The following TRIM61 variants were observed in gnomAD, a reference collection of about 807,000 sequenced individuals.
TRIM61 encodes the protein putative tripartite motif-containing protein 61.
A neutral mutation model predicts 14.2 loss-of-function variants in TRIM61; 1 was observed. The observed-to-expected ratio is 0.07, with a 90% CI of 0.03 to 0.33. The LOEUF (loss-of-function observed/expected upper bound fraction) is 0.33. Among genes scored for constraint, TRIM61 ranks in the 10% least tolerant of loss-of-function variants. The pLI, the probability that TRIM61 is intolerant of heterozygous loss-of-function variation, is 0.99. For synonymous variants in TRIM61, 8 were observed against 71.6 expected (o/e 0.11, Z 4.49); for missense variants, 19 against 202.2 (o/e 0.09, Z 5.49).
intron 3 of TRIM61, among the ~76,000 whole-genome samples, chr4:164,960,426 G>A (rs140268057): frequency 7.2e-5 from 11 of 152,010 alleles, no homozygotes; most frequent in Non-Finnish European, 1.5e-4. Flanking sequence ...ATGGTGGCAG[G>A]CTCCTGTAAT....
At chr4:164,968,860 T>C in intron 3 of TRIM61, 2 of 988,326 alleles carry the variant, frequency 2.0e-6, no homozygotes, top group Non-Finnish European at 2.4e-6. Flanking sequence ...CATCCTGTAC[T>C]AAAATTGGTT....
intron 2 of TRIM61, among the ~76,000 whole-genome samples, chr4:164,976,018 G>A (rs1048619670): frequency 2.9e-4 from 44 of 152,128 alleles, no homozygotes; most frequent in Non-Finnish European, 4.7e-4. Flanking sequence ...TCTTTACTCC[G>A]CTGAGATGTT....
At chr4:164,957,704 A>T (rs1388736914) in intron 3 of TRIM61, 1 of 622,628 alleles carries the variant, frequency 1.6e-6, no homozygotes, top group Non-Finnish European at 2.7e-6. Context: ...AATAAGATGC[A>T]GTTCTGAAAA....
chr4:164,971,054 T>C (rs961481403), intron 2 of TRIM61, among the ~76,000 whole-genome samples: 5 of 151,972 alleles, frequency 3.3e-5, no homozygotes, highest in African/African-American at 1.2e-4. Context: ...TGAGCTGAGA[T>C]TGCAGCACGG....
chr4:164,965,871 C>CT (rs1345504569), intron 3 of TRIM61, among the ~76,000 whole-genome samples: 3 of 150,184 alleles, frequency 2.0e-5, no homozygotes, highest in Non-Finnish European at 3.0e-5. Context: ...TCAGGATAGA[C>CT]TAAAGACATT....
At chr4:164,972,356 G>A (rs1732387549) in intron 2 of TRIM61, among the ~76,000 whole-genome samples, 1 of 152,156 alleles carries the variant, frequency 6.6e-6, no homozygotes, top group South Asian at 2.1e-4. Context: ...CTTTCTGTTA[G>A]ATGTATTAGA....
In TRIM61 at chr4:164,954,979, T is replaced by C. The variant is rs781700623; in HGVS notation, c.*13A>G. The C allele has an allele frequency of 6.4e-6, 2 of 311,958 alleles. No homozygotes were observed. Among genetic ancestry groups the C allele is most frequent in the South Asian group, 2.4e-5 (1 of 41,680 alleles). The allele number at this position is 311,958 out of a possible 1,614,324, so 19.3% of individuals were successfully genotyped here. ...AGCTGGGCATGGTGGAGGGCACCTGTAGTCCCAGCTACTCAGGAGCCAGAG... is the reference window on the plus strand; with the variant it reads ...AGCTGGGCATGGTGGAGGGCACCTGCAGTCCCAGCTACTCAGGAGCCAGAG... On this transcript the variant is annotated 3_prime_UTR_variant, in exon 4 of 5. Coordinates refer to ENST00000329314, the MANE Select transcript of TRIM61 (RefSeq NM_001012414.3).
At chr4:164,959,037 ACAGCTGAGCCACT>A (rs1204320689) in intron 3 of TRIM61, 4 of 167,092 alleles carry the variant, frequency 2.4e-5, no homozygotes, top group African/African-American at 9.6e-5. Context: ...ATAATTGTTC[ACAGCTGAGCCACT>A]TAGGTGCTAT....
chr4:164,977,340 G>C (rs1732504924), intron 1 of TRIM61, among the ~76,000 whole-genome samples, 191 bp downstream of exon 1: 1 of 152,102 alleles, frequency 6.6e-6, no homozygotes, highest in East Asian at 1.9e-4. Flanking sequence ...AATTGATACA[G>C]GCTCAACACC....
chr4:164,957,056 C>T (rs1443253930), intron 3 of TRIM61: 1 of 1,517,222 alleles, frequency 6.6e-7, no homozygotes. Flanking sequence ...GGGCAGCTGT[C>T]CTCTTCTCCC....
intron 3 of TRIM61, among the ~76,000 whole-genome samples, chr4:164,962,692 T>TAAAAAAAAAAA (rs145808366): frequency 7.2e-6 from 1 of 139,774 alleles, no homozygotes. Flanking sequence ...CAAGAAATGT[T>TAAAAAAAAAAA]AAAAAAAAAA....
intron 3 of TRIM61, chr4:164,969,163 A>C (rs1046408632): frequency 1.4e-5 from 17 of 1,182,218 alleles, no homozygotes; most frequent in Non-Finnish European, 1.8e-5. Flanking sequence ...AATATTGTGG[A>C]GGCAGATGGT....
intron 3 of TRIM61, chr4:164,957,491 C>G (rs1732037965): frequency 1.9e-6 from 3 of 1,606,376 alleles, no homozygotes. Context: ...CTCACCTGTC[C>G]TATAGAGCAG....
intron 3 of TRIM61, among the ~76,000 whole-genome samples, chr4:164,964,626 G>A (rs1037699026): frequency 9.2e-5 from 14 of 152,178 alleles, no homozygotes; most frequent in Non-Finnish European, 2.1e-4. Context: ...ATGAATAAGG[G>A]ATGGAACAAT....
At chr4:164,972,738 C>T (rs905427530) in intron 2 of TRIM61, among the ~76,000 whole-genome samples, 8 of 152,222 alleles carry the variant, frequency 5.3e-5, no homozygotes, top group African/African-American at 9.7e-5. Context: ...ATCGGCCCAC[C>T]TTGGCCTCCC....
At position 164,968,185 on chromosome 4, in the gene TRIM61, GAA is replaced by G. The variant is rs1359014989; in HGVS notation, c.525+1291_525+1292del. The stretch of plus-strand genomic sequence containing the variant: ...GAGGAAAAAGAAAAGAAAAGAAAAA[GAA>G]AAGAGGCTGTATTTACATAGCAGTA... On this transcript the variant is annotated intron_variant, in intron 3 of 4. Coordinates refer to ENST00000329314, the MANE Select transcript of TRIM61 (RefSeq NM_001012414.3). 5 of 984,836 alleles carry G rather than the reference GAA, an allele frequency of 5.1e-6. No individual in the cohort carries two copies. In the East Asian group the frequency reaches 5.7e-4, roughly 112 times the overall value. The allele number at this position is 984,836 out of a possible 1,614,324, so 61.0% of individuals were successfully genotyped here. A position where few individuals can be genotyped will look rare whatever the true frequency, so the allele number is the denominator to read the frequency against.
intron 3 of TRIM61, among the ~76,000 whole-genome samples, chr4:164,961,732 G>C (rs575136601): frequency 5.9e-5 from 9 of 151,930 alleles, no homozygotes; most frequent in Non-Finnish European, 1.3e-4. Flanking sequence ...CCAAATATAG[G>C]TATATCAATC....
At chr4:164,957,168 T>C (rs940679277) in intron 3 of TRIM61, 2 of 1,612,102 alleles carry the variant, frequency 1.2e-6, no homozygotes, top group Non-Finnish European at 8.5e-7. Context: ...CCTTATACGC[T>C]GACCGGCGGC....
chr4:164,964,978 A>G (rs547417247), intron 3 of TRIM61, among the ~76,000 whole-genome samples: 1 of 152,212 alleles, frequency 6.6e-6, no homozygotes, highest in South Asian at 2.1e-4. Flanking sequence ...CAGATGTGTA[A>G]TGTTCTCTGA....
Sources: gnomAD v4.1 joint callset for allele counts (sites outside exome capture counted in the v4.1 genomes callset) on GRCh38, gnomAD v4.1.1 for gene constraint, MANE v1.5 for transcripts, NCBI Gene and HGNC (gene_info 2026-07-23, HGNC 2026-07-21) for gene names.